Variants in DACH2 observed in about 807,000 individuals in gnomAD.
The protein encoded by DACH2 is dachshund homolog 2.
DACH2 carries 17 observed loss-of-function variants against 35.8 expected under a neutral mutation model. That is an observed-to-expected ratio of 0.48 (90% CI 0.33 to 0.71). The LOEUF is 0.71. Ranked by LOEUF, DACH2 falls within the 30% of genes least tolerant of loss-of-function variation. The pLI, the probability that DACH2 is intolerant of heterozygous loss-of-function variation, is 0.02. For synonymous variants in DACH2, 195 were observed against 177.3 expected (o/e 1.10, Z -0.79); for missense variants, 469 against 472.7 (o/e 0.99, Z 0.07).
intron 2 of DACH2, among the ~76,000 whole-genome samples, chrX:86,479,804 CA>C (rs2037910056): frequency 8.9e-6 from 1 of 112,296 alleles, no homozygotes; most frequent in African/African-American, 3.2e-5. Context: ...TATTCAACTC[CA>C]GATTTTCTGC....
intron 2 of DACH2, among the ~76,000 whole-genome samples, chrX:86,406,576 G>A (rs770561703): frequency 2.7e-5 from 3 of 112,224 alleles, no homozygotes; most frequent in Middle Eastern, 8.4e-3. Flanking sequence ...TGTTAGAGGT[G>A]TTGCTAGTTA....
intron 2 of DACH2, among the ~76,000 whole-genome samples, chrX:86,428,096 TAACTA>T (rs1843416905): frequency 8.9e-6 from 1 of 111,949 alleles, no homozygotes; most frequent in Admixed American, 9.5e-5. Context: ...GAATTTATAC[TAACTA>T]AAGTAGATTG....
At chrX:86,240,185 A>G (rs1449873312) in intron 1 of DACH2, among the ~76,000 whole-genome samples, 1 of 111,602 alleles carries the variant, frequency 9.0e-6, no homozygotes, top group Non-Finnish European at 1.9e-5. Flanking sequence ...GAGTCCTGGA[A>G]CAGAAATCTT....
chrX:86,148,477 C>T lies in DACH2; in HGVS notation c.-144C>T, dbSNP rs2030232491. The T allele has an allele frequency of 1.5e-6, 1 of 665,663 alleles. No homozygotes were observed. Among genetic ancestry groups the T allele is most frequent in the Non-Finnish European group, 2.2e-6 (1 of 455,951 alleles). 54.9% of individuals were successfully genotyped at this position (665,663 alleles called of 1,213,427 possible). On this transcript the variant is annotated 5_prime_UTR_variant, in exon 1 of 12. Coordinates refer to ENST00000373125, the MANE Select transcript of DACH2 (RefSeq NM_053281.3). The stretch of plus-strand genomic sequence containing the variant: ...CTGTTTGTTGAGCTTGAGCGTGAGC[C>T]GGCTGCTGAAGACTTGCGAACAGTT...
chrX:86,372,462 TAACATAAATTC>T (rs1038504195), intron 1 of DACH2, among the ~76,000 whole-genome samples: 1 of 110,467 alleles, frequency 9.1e-6, no homozygotes, highest in Non-Finnish European at 1.9e-5. Flanking sequence ...ACCTTGGAAA[TAACATAAATTC>T]AACATAAATT....
intron 1 of DACH2, among the ~76,000 whole-genome samples, chrX:86,371,953 GA>G (rs2035892527): frequency 9.0e-6 from 1 of 111,114 alleles, no homozygotes; most frequent in Non-Finnish European, 1.9e-5. Flanking sequence ...TATTGGGCCA[GA>G]AAAATAAATT....
chrX:86,341,737 G>T (rs1460778008), intron 1 of DACH2, among the ~76,000 whole-genome samples: 1 of 112,310 alleles, frequency 8.9e-6, no homozygotes, highest in Non-Finnish European at 1.9e-5. Context: ...ACAAGAGGAG[G>T]TCAATATATC....
chrX:86,238,245 C>A (rs2033095584), intron 1 of DACH2, among the ~76,000 whole-genome samples: 1 of 112,250 alleles, frequency 8.9e-6, no homozygotes, highest in African/African-American at 3.2e-5. Context: ...CATCAGATTT[C>A]TCCTAATGAT....
rs146111236 is a variant in DACH2, at chrX:86,569,117, C to A, written c.640+54726C>A. On this transcript the variant is annotated intron_variant, in intron 3 of 11. Transcript: ENST00000373125. ...TTACTAAATGGTACTGTGAGTTGGT[C>A]CTTCAGGGCTTTGATATCAGTCAAA... Among the ~76,000 whole-genome samples the A allele has an allele frequency of 2.8e-3, 309 of 111,454 alleles. 2 individuals are homozygous for A. Among genetic ancestry groups the A allele is most frequent in the African/African-American group, 9.8e-3 (301 of 30,796 alleles).
At chrX:86,491,811 T>G (rs1020551487) in intron 2 of DACH2, among the ~76,000 whole-genome samples, 7 of 111,744 alleles carry the variant, frequency 6.3e-5, no homozygotes, top group Admixed American at 9.6e-5. Flanking sequence ...ACCTGCTGGG[T>G]GACCTTTAAC....
rs138543168 is a variant in DACH2, at chrX:86,731,431, C to T, written c.1105-8316C>T. Among the ~76,000 whole-genome samples the T allele has an allele frequency of 4.0e-3, 443 of 111,578 alleles. 3 individuals carry two copies. The highest frequency in any genetic ancestry group is 0.038 in the East Asian group (135 of 3,535). ...AATGGGTATCACTTCAGACTCTTCA[C>T]GGCAATCTTTTCTTATATCTATTAA... On this transcript the variant is annotated intron_variant, in intron 6 of 11. Transcript: ENST00000373125.
intron 2 of DACH2, among the ~76,000 whole-genome samples, chrX:86,388,699 G>T (rs927266574): frequency 9.0e-6 from 1 of 111,616 alleles, no homozygotes; most frequent in African/African-American, 3.3e-5. Flanking sequence ...AGTTTAGGGG[G>T]TCTTTCCTTT....
At chrX:86,426,828 A>G (rs373594405) in intron 2 of DACH2, among the ~76,000 whole-genome samples, 1 of 111,984 alleles carries the variant, frequency 8.9e-6, no homozygotes, top group Non-Finnish European at 1.9e-5. Context: ...AGTGGAATTT[A>G]AAAATGAACA....
At chrX:86,203,866 G>A (rs1362777581) in intron 1 of DACH2, among the ~76,000 whole-genome samples, 1 of 111,443 alleles carries the variant, frequency 9.0e-6, no homozygotes, top group Admixed American at 9.6e-5. Flanking sequence ...TAAAACAGAA[G>A]TAGGTGTCTA....
intron 2 of DACH2, among the ~76,000 whole-genome samples, chrX:86,468,503 GAA>G (rs1299371900): frequency 9.0e-6 from 1 of 111,421 alleles, no homozygotes; most frequent in African/African-American, 3.3e-5. Flanking sequence ...TAAAGTGTTA[GAA>G]ACTCTATTCA....
chrX:86,445,241 A>T (rs950967041), intron 2 of DACH2, among the ~76,000 whole-genome samples: 6 of 107,313 alleles, frequency 5.6e-5, no homozygotes, highest in Admixed American at 1.0e-4. Flanking sequence ...TTTTATTCTC[A>T]GTAAACTATC....
In DACH2 at chrX:86,553,278, C is replaced by G. The variant is rs575365140; in HGVS notation, c.640+38887C>G. Among the ~76,000 whole-genome samples the G allele has an allele frequency of 2.7e-5, 3 of 111,515 alleles. No homozygotes were observed. The South Asian group carries it at 1.1e-3, about 42-fold the overall frequency. ...GAGTCTGATGTTGAAGGGCAGGAAG[C>G]AACCAGCATGGGAGAAAGATGAAGG... On this transcript the variant is annotated intron_variant, in intron 3 of 11. Transcript: ENST00000373125.
intron 1 of DACH2, among the ~76,000 whole-genome samples, chrX:86,356,785 G>T (rs1183877733): frequency 9.0e-6 from 1 of 111,539 alleles, no homozygotes; most frequent in African/African-American, 3.3e-5. Flanking sequence ...TTTTCAAGCT[G>T]TCTTTTTACT....
chrX:86,550,799 G>A (rs1363040954), intron 3 of DACH2, among the ~76,000 whole-genome samples: 1 of 111,727 alleles, frequency 9.0e-6, no homozygotes. Flanking sequence ...TTAGACCTTT[G>A]CTGTGGAAAC....
Sources: allele counts gnomAD v4.1 joint callset (sites outside exome capture counted in the v4.1 genomes callset), GRCh38; gene constraint gnomAD v4.1.1; transcripts MANE v1.5; gene names NCBI Gene and HGNC (gene_info 2026-07-23, HGNC 2026-07-21).